The following CUX1 variants were observed in gnomAD, a reference collection of about 807,000 sequenced individuals.
The protein encoded by CUX1 is protein CASP.
A neutral mutation model predicts 158.8 loss-of-function variants in CUX1; 31 were observed. The observed-to-expected ratio is 0.20, with a 90% confidence interval of 0.15 to 0.26. The LOEUF (loss-of-function observed/expected upper bound fraction) is 0.26. Ranked by LOEUF, CUX1 falls within the 10% of genes least tolerant of loss-of-function variation. The pLI is 1.00. For missense variants in CUX1, 1,589 were observed against 2,014.6 expected (o/e 0.79, Z 4.04); for synonymous variants, 879 against 862.1 (o/e 1.02, Z -0.34).
chr7:101,864,687 A>T (rs967552100), intron 1 of CUX1, among the ~76,000 whole-genome samples: 2 of 152,054 alleles, frequency 1.3e-5, no homozygotes, highest in Non-Finnish European at 1.5e-5. Flanking sequence ...AGTAGCTGGG[A>T]CTACAGGCGC....
intron 8 of CUX1, among the ~76,000 whole-genome samples, chr7:102,130,395 T>C (rs1358685046): frequency 2.6e-5 from 4 of 152,176 alleles, no homozygotes; most frequent in African/African-American, 4.8e-5. Flanking sequence ...AATTATGTAG[T>C]GTTGGCCGGG....
At chr7:101,924,225 A>G (rs1343113001) in intron 2 of CUX1, among the ~76,000 whole-genome samples, 1 of 152,108 alleles carries the variant, frequency 6.6e-6, no homozygotes, top group Non-Finnish European at 1.5e-5. Context: ...CTCGGTGAGA[A>G]AAGGAGCTAG....
chr7:102,084,427 C>CTTT, intron 4 of CUX1, among the ~76,000 whole-genome samples: 1 of 116,292 alleles, frequency 8.6e-6, no homozygotes, highest in Admixed American at 8.8e-5. Context: ...ATACTTTTTT[C>CTTT]TTTTTTTTTT....
chr7:101,914,688 AG>A (rs1289321784), intron 1 of CUX1, among the ~76,000 whole-genome samples: 2 of 151,728 alleles, frequency 1.3e-5, no homozygotes, highest in African/African-American at 4.8e-5. Flanking sequence ...TAGTACAGAC[AG>A]GGTTTCTCCA....
intron 3 of CUX1, among the ~76,000 whole-genome samples, chr7:102,029,663 CT>C (rs533772041): frequency 6.6e-6 from 1 of 152,284 alleles, no homozygotes; most frequent in South Asian, 2.1e-4. Flanking sequence ...AACAGTACCC[CT>C]CTCTTCTTAT....
chr7:102,257,759 T>A lies in CUX1; in HGVS notation c.*8717T>A. 1 of 985,268 alleles carries A rather than the reference T, an allele frequency of 1.0e-6. No homozygotes were observed. The allele number at this position is 985,268 out of a possible 1,614,324, so 61.0% of individuals were successfully genotyped here. A position where few individuals can be genotyped will look rare whatever the true frequency, so the allele number is the denominator to read the frequency against. On this transcript the variant is annotated 3_prime_UTR_variant, in exon 24 of 24. Coordinates refer to ENST00000292535, the MANE Select transcript of CUX1 (RefSeq NM_181552.4). ...TGTCACGTCTTACATTTTAGCAGTA[T>A]TTTATATTTTCTGTAACGCACCAAG...
chr7:102,269,269 C>T (rs1554545683), intron 14 of CUX1, among the ~76,000 whole-genome samples: 3 of 152,126 alleles, frequency 2.0e-5, no homozygotes, highest in African/African-American at 7.2e-5. Flanking sequence ...GCCACTGCAC[C>T]TGGCTTGATT....
chr7:102,047,129 G>A (rs527417794), intron 3 of CUX1, among the ~76,000 whole-genome samples: 26 of 152,188 alleles, frequency 1.7e-4, no homozygotes, highest in Non-Finnish European at 3.2e-4. Context: ...CTAGACCCTG[G>A]TTAGTGGTGG....
chr7:102,124,193 G>C (rs1554494406), intron 8 of CUX1, among the ~76,000 whole-genome samples: 1 of 152,194 alleles, frequency 6.6e-6, no homozygotes, highest in African/African-American at 2.4e-5. Context: ...TAGCACATAT[G>C]GTGATCTGTG....
At chr7:101,851,353 G>T (rs1032416767) in intron 1 of CUX1, among the ~76,000 whole-genome samples, 1 of 151,570 alleles carries the variant, frequency 6.6e-6, no homozygotes, top group Non-Finnish European at 1.5e-5. Flanking sequence ...CCCCTATTCT[G>T]CCCAGCTGGG....
intron 2 of CUX1, among the ~76,000 whole-genome samples, chr7:102,005,329 G>A (rs1465260089): frequency 6.6e-6 from 1 of 151,998 alleles, no homozygotes; most frequent in African/African-American, 2.4e-5. Flanking sequence ...CTGGTTTTTT[G>A]TTTTGTTTTG....
intron 1 of CUX1, among the ~76,000 whole-genome samples, chr7:101,830,089 G>A (rs1019765532): frequency 1.5e-4 from 23 of 152,154 alleles, no homozygotes; most frequent in Non-Finnish European, 1.5e-5. Context: ...ATGCCCCTGG[G>A]TGCTGGGGAG....
At chr7:102,061,587 C>T (rs1824883849) in intron 3 of CUX1, among the ~76,000 whole-genome samples, 1 of 152,190 alleles carries the variant, frequency 6.6e-6, no homozygotes, top group Non-Finnish European at 1.5e-5. Flanking sequence ...TCAGGCAGAG[C>T]ACCTGTTTTA....
chr7:102,103,083 G>T (rs1425187772), intron 5 of CUX1, among the ~76,000 whole-genome samples: 4 of 152,148 alleles, frequency 2.6e-5, no homozygotes, highest in Non-Finnish European at 4.4e-5. Flanking sequence ...GTCTGGACCT[G>T]CGCTTTCCCA....
intron 11 of CUX1, among the ~76,000 whole-genome samples, chr7:102,181,683 G>C (rs1470082439): frequency 6.6e-6 from 1 of 152,078 alleles, no homozygotes; most frequent in Non-Finnish European, 1.5e-5. Flanking sequence ...ATATCTTCTA[G>C]TAACAAGACT....
chr7:101,817,724 G>A lies in CUX1; in HGVS notation c.30+55G>A. The A allele has an allele frequency of 6.5e-7, 1 of 1,542,880 alleles. No homozygotes were observed. The highest frequency in any genetic ancestry group is 2.5e-5 in the East Asian group (1 of 40,684). On this transcript the variant is annotated intron_variant, in intron 1 of 23. Transcript: ENST00000292535. The surrounding 1 kb of genome is among the most constrained non-coding windows in gnomAD (Gnocchi z 4.1). ...GGTTGCAGGCGCGGAGGGAACCGGG[G>A]ATGTCGGGGGGTGCCCGGGTCCCGC...
intron 10 of CUX1, among the ~76,000 whole-genome samples, chr7:102,175,176 G>A (rs1376548556): frequency 6.6e-6 from 1 of 152,160 alleles, no homozygotes; most frequent in African/African-American, 2.4e-5. Flanking sequence ...TTGAGCCCTC[G>A]ACCACCCGCT....
intron 15 of CUX1, chr7:102,274,203 T>C: frequency 6.3e-7 from 1 of 1,580,836 alleles, no homozygotes; most frequent in Non-Finnish European, 8.7e-7. Flanking sequence ...TCCGTGCCCA[T>C]TGTGCGGAGG....
intron 1 of CUX1, among the ~76,000 whole-genome samples, chr7:101,873,336 T>C (rs1190508700): frequency 7.5e-5 from 6 of 79,670 alleles, no homozygotes; most frequent in African/African-American, 2.9e-4. Flanking sequence ...ATGCTATCCC[T>C]CCCCCCACCC....
Sources: allele counts gnomAD v4.1 joint callset (sites outside exome capture counted in the v4.1 genomes callset), GRCh38; gene constraint gnomAD v4.1.1; non-coding constraint Gnocchi (gnomAD v3.1); transcripts MANE v1.5; gene names NCBI Gene and HGNC (gene_info 2026-07-23, HGNC 2026-07-21).